Variants in ANK1 observed in about 807,000 individuals in gnomAD.
ANK1 encodes ankyrin-1.
In ANK1, 51 loss-of-function variants were observed where a neutral mutation model predicts 210.4. That is an observed-to-expected ratio of 0.24 (90% CI 0.19 to 0.31). ANK1 has a LOEUF of 0.31. Among genes scored for constraint, ANK1 ranks in the 10% least tolerant of loss-of-function variants. The pLI is 1.00. For synonymous variants in ANK1, 967 were observed against 1,025.9 expected (o/e 0.94, Z 1.10); for missense variants, 2,051 against 2,504.4 (o/e 0.82, Z 3.86).
At chr8:41,772,588 A>AAG (rs1276831323) in intron 1 of ANK1, among the ~76,000 whole-genome samples, 1 of 152,240 alleles carries the variant, frequency 6.6e-6, no homozygotes, top group African/African-American at 2.4e-5. Flanking sequence ...TCAGGATCCC[A>AAG]AGAAATCTCA....
At chr8:41,736,564 G>A (rs147545528) in intron 2 of ANK1, among the ~76,000 whole-genome samples, 119 of 152,352 alleles carry the variant, frequency 7.8e-4, no homozygotes, top group African/African-American at 2.6e-3. Context: ...GCTTACTGCG[G>A]GAAGCTGACT....
intron 1 of ANK1, among the ~76,000 whole-genome samples, chr8:41,850,325 T>C (rs568863568): frequency 2.6e-5 from 4 of 152,162 alleles, no homozygotes; most frequent in Admixed American, 6.5e-5. Flanking sequence ...CTGAGTATAG[T>C]TGACATTTTT....
At chr8:41,686,539 T>A (rs1207281927) in intron 35 of ANK1, among the ~76,000 whole-genome samples, 1 of 152,222 alleles carries the variant, frequency 6.6e-6, no homozygotes, top group Non-Finnish European at 1.5e-5. Context: ...CCTGAATGAA[T>A]GAATGATCAA....
chr8:41,788,792 T>A (rs1846989540), intron 1 of ANK1: 1 of 152,192 alleles, frequency 6.6e-6, no homozygotes, highest in South Asian at 2.1e-4. Context: ...GCCCTAACAC[T>A]TTCCTACTCA....
At chr8:41,823,504 G>C (rs1804826788) in intron 1 of ANK1, among the ~76,000 whole-genome samples, 1 of 152,062 alleles carries the variant, frequency 6.6e-6, no homozygotes, top group African/African-American at 2.4e-5. Flanking sequence ...CTCAGCTCAA[G>C]AAATAGCACT....
At chr8:41,872,646 A>G (rs368691287) in intron 1 of ANK1, among the ~76,000 whole-genome samples, 2 of 152,196 alleles carry the variant, frequency 1.3e-5, no homozygotes, top group Admixed American at 6.5e-5. Context: ...ATGTGCCCCA[A>G]TCGGTGAGTA....
chr8:41,699,583 A>G (rs75330043), intron 22 of ANK1, 35 bp from the exon 23 acceptor site: 27,927 of 1,584,720 alleles, frequency 0.018, 489 homozygotes, highest in African/African-American at 0.088. Context: ...GCGACGGGGT[A>G]GAGGAAGAAG....
intron 1 of ANK1, among the ~76,000 whole-genome samples, chr8:41,848,905 G>A (rs1810622803): frequency 6.6e-6 from 1 of 152,172 alleles, no homozygotes; most frequent in Non-Finnish European, 1.5e-5. Context: ...AGGGGCCCTG[G>A]GCCAGACCCA....
chr8:41,787,448 C>G (rs929727191), intron 1 of ANK1, among the ~76,000 whole-genome samples: 3 of 152,150 alleles, frequency 2.0e-5, no homozygotes, highest in African/African-American at 4.8e-5. Context: ...GACCCACCCC[C>G]CAACCCCCAG....
At chr8:41,799,452 C>A (rs560187113), upstream of ANK1, among the ~76,000 whole-genome samples, 37 of 152,270 alleles carry the variant, frequency 2.4e-4, 1 homozygote, top group Admixed American at 2.2e-3. Flanking sequence ...GTGACGAAAG[C>A]TAGAAGCCGT....
intron 1 of ANK1, among the ~76,000 whole-genome samples, chr8:41,877,692 C>T (rs571111252): frequency 2.6e-5 from 4 of 152,218 alleles, no homozygotes; most frequent in East Asian, 1.9e-4. Flanking sequence ...CAAAATGATG[C>T]GATAGAGCAG....
At chr8:41,665,051 T>G in intron 39 of ANK1, 1 of 1,610,314 alleles carries the variant, frequency 6.2e-7, no homozygotes, top group Non-Finnish European at 8.5e-7. Context: ...CCCGGTCCTC[T>G]GGCAGCCAGG....
At chr8:41,870,728 G>A (rs990704238) in intron 1 of ANK1, among the ~76,000 whole-genome samples, 36 of 152,184 alleles carry the variant, frequency 2.4e-4, no homozygotes, top group Non-Finnish European at 3.2e-4. Flanking sequence ...GGGTGGGCCC[G>A]GCACACACGT....
rs757191651 is a variant in ANK1 at position 41,693,946 on chromosome 8, T to A, written c.3484A>T (p.Ser1162Cys). 1 of 1,613,854 alleles carries A rather than the reference T, an allele frequency of 6.2e-7. No homozygotes were observed. The highest frequency in any genetic ancestry group is 8.5e-7 in the Non-Finnish European group (1 of 1,179,954). The change falls in exon 29 of 43, where the codon AGC becomes TGC. Residue 1162 changes from serine to cysteine, a missense_variant. Physicochemically the swap from Ser to Cys is moderately radical, Grantham distance 112. This residue lies in a region of ANK1 where 1,413 missense variants were observed against 1,707.4 expected (regional missense o/e 0.83). Transcript: ENST00000289734. ...PPSWTDNPRD[S>C]GEGDTTSLRL... ...AGGCTGGTGGTGTCTCCCTCCCCGC[T>A]GTCCCTCGGGTTGTCGGTCCAGGAA...
chr8:41,684,444 G>A (rs751547083), intron 37 of ANK1, 100 bp downstream of exon 37: 11 of 1,545,284 alleles, frequency 7.1e-6, no homozygotes, highest in East Asian at 6.7e-5. Context: ...GAGGCAGAGC[G>A]GGCTTTGAGG....
chr8:41,696,561 G>C lies in ANK1; in HGVS notation c.2762C>G (p.Ala921Gly). The C allele has an allele frequency of 6.2e-7, 1 of 1,614,026 alleles. No homozygotes were observed. The highest frequency in any genetic ancestry group is 8.5e-7 in the Non-Finnish European group (1 of 1,180,036). ...TGFLVSFMVD[A>G]RGGSMRGSRH... ...ACTTCCTCTCATGGAACCACCCCGG[G>C]CGTCAACCATGAAGCTCACCAGAAA... Residue 921 changes from alanine (A) to glycine (G), a missense_variant, in exon 26 of 43, where the codon GCC becomes GGC. Coordinates refer to ENST00000289734, the MANE Select transcript of ANK1 (RefSeq NM_000037.4).
intron 1 of ANK1, among the ~76,000 whole-genome samples, chr8:41,768,740 T>C (rs1191689564): frequency 3.3e-5 from 5 of 151,182 alleles, no homozygotes; most frequent in Admixed American, 3.3e-4. Context: ...GGCGGGGGGA[T>C]TGCTTGAGGC....
In ANK1 at chr8:41,844,054, A is replaced by G. The variant is rs537503901; in HGVS notation, c.126+52301T>C. Reference sequence around the variant, plus strand: ...CACACCCAGCTACTTTTGTATTTTTATAGGGATGGGGTCTTACTATGTTGT... The same window carrying G: ...CACACCCAGCTACTTTTGTATTTTTGTAGGGATGGGGTCTTACTATGTTGT... On this transcript the variant is annotated intron_variant, in intron 1 of 42. Transcript: ENST00000265709. Among the ~76,000 whole-genome samples, 8 of 152,236 alleles carry G rather than the reference A, an allele frequency of 5.3e-5. No homozygotes were observed. In the East Asian group the frequency reaches 1.5e-3, roughly 29 times the overall value.
At chr8:41,761,993 T>C (rs1840586561) in intron 1 of ANK1, among the ~76,000 whole-genome samples, 1 of 152,030 alleles carries the variant, frequency 6.6e-6, no homozygotes, top group African/African-American at 2.4e-5. Context: ...GCCTAACTGG[T>C]CTTCCCCAAA....
Sources: gnomAD v4.1 joint callset for allele counts (sites outside exome capture counted in the v4.1 genomes callset) on GRCh38, gnomAD v4.1.1 for gene constraint, gnomAD v4.1.1 regional missense constraint, MANE v1.5 for transcripts, NCBI Gene and HGNC (gene_info 2026-07-23, HGNC 2026-07-21) for gene names.